The following GPR89B variants were observed in gnomAD, a reference collection of about 807,000 sequenced individuals.
GPR89B encodes G protein-coupled receptor 89B.
GPR89B carries 25 observed loss-of-function variants against 52.4 expected under a neutral mutation model. The observed-to-expected ratio is 0.48, with a 90% CI of 0.35 to 0.67. The LOEUF is 0.67. GPR89B is among the 30% of genes least tolerant of loss of function. GPR89B has a pLI of 0.01. For missense variants in GPR89B, 146 were observed against 450.2 expected, an observed-to-expected ratio of 0.32 and a Z score of 6.11; for synonymous variants, 52 against 151.2, an observed-to-expected ratio of 0.34 and a Z score of 4.81.
the GPR89B span, chr1:148,015,100 T>C: frequency 6.6e-6 from 1 of 151,696 alleles, no homozygotes; most frequent in East Asian, 1.9e-4. Context: ...TGCTTCCAAG[T>C]CTGGAGTTGG....
the GPR89B span, among the ~76,000 whole-genome samples, chr1:148,007,516 T>C: frequency 6.6e-6 from 1 of 151,280 alleles, no homozygotes; most frequent in South Asian, 2.1e-4. Flanking sequence ...CATTTCTTTG[T>C]GTTGAGAATA....
chr1:147,950,042 C>T (rs1655484583), intron 5 of GPR89B, among the ~76,000 whole-genome samples: 1 of 147,098 alleles, frequency 6.8e-6, no homozygotes, highest in South Asian at 2.1e-4. Context: ...CCACCTCCCT[C>T]CCGGACGGGG....
rs1400535869 is a variant in GPR89B at position 147,930,195 on chromosome 1, C to T, written c.42+1617C>T. Among the ~76,000 whole-genome samples the T allele has an allele frequency of 4.6e-5, 7 of 152,214 alleles. No homozygotes were observed. In the East Asian group the frequency reaches 1.2e-3, roughly 25 times the overall value. On this transcript the variant is annotated intron_variant, in intron 1 of 13. Transcript: ENST00000314163. ...CATATGCAGTAATTAATTGTTAAAC[C>T]TGGTTTTTACAAATGTGGAAGAAAG...
At chr1:147,947,170 A>C (rs2149048361) in intron 5 of GPR89B, among the ~76,000 whole-genome samples, 1 of 152,228 alleles carries the variant, frequency 6.6e-6, no homozygotes, top group Middle Eastern at 3.4e-3. Context: ...CCCCGTCTGT[A>C]CTAAAAATAG....
chr1:147,999,420 A>AAC, the GPR89B span, among the ~76,000 whole-genome samples: 5 of 147,924 alleles, frequency 3.4e-5, no homozygotes, highest in African/African-American at 5.0e-5. Flanking sequence ...CATCCTGGCC[A>AAC]ACATGGTAAA....
intron 12 of GPR89B, among the ~76,000 whole-genome samples, chr1:147,989,452 T>A (rs1249787564): frequency 1.3e-5 from 2 of 152,224 alleles, no homozygotes; most frequent in East Asian, 3.9e-4. Context: ...TAAATTATAC[T>A]TTAAGTTCTA....
At chr1:147,995,607 C>T, downstream of GPR89B, 2 of 1,608,916 alleles carry the variant, frequency 1.2e-6, no homozygotes, top group East Asian at 2.2e-5. Flanking sequence ...CGTTCTTTTG[C>T]CATGTGCGAG....
chr1:148,019,670 G>T, the GPR89B span, among the ~76,000 whole-genome samples: 2 of 152,052 alleles, frequency 1.3e-5, no homozygotes, highest in Non-Finnish European at 2.9e-5. Flanking sequence ...ACGCTCATTA[G>T]AAACAAAAGA....
intron 10 of GPR89B, among the ~76,000 whole-genome samples, chr1:147,980,017 C>G (rs1438316330): frequency 1.3e-5 from 2 of 151,260 alleles, no homozygotes; most frequent in Non-Finnish European, 2.9e-5. Flanking sequence ...GCCCAGAAGT[C>G]CAAGGCCTCA....
intron 12 of GPR89B, among the ~76,000 whole-genome samples, chr1:147,991,788 G>C (rs1427563745): frequency 3.9e-5 from 6 of 152,254 alleles, no homozygotes; most frequent in Non-Finnish European, 8.8e-5. Context: ...TGCATCCCAG[G>C]GATGAAGCCC....
At chr1:148,002,805 T>G in the GPR89B span, among the ~76,000 whole-genome samples, 1 of 152,176 alleles carries the variant, frequency 6.6e-6, no homozygotes, top group African/African-American at 2.4e-5. Context: ...TGTGCCAGTG[T>G]CTCCTGACTG....
the GPR89B span, among the ~76,000 whole-genome samples, chr1:148,003,058 A>T: frequency 7.4e-4 from 113 of 152,322 alleles, 2 homozygotes; most frequent in East Asian, 0.018. Flanking sequence ...CTTATCTACT[A>T]AATGGTAGAC....
At chr1:148,006,055 C>T in the GPR89B span, among the ~76,000 whole-genome samples, 9 of 152,130 alleles carry the variant, frequency 5.9e-5, no homozygotes, top group Admixed American at 1.3e-4. Flanking sequence ...AGAGCTAACT[C>T]GGCCTTTGGC....
At chr1:147,983,361 A>G (rs1273619395) in intron 10 of GPR89B, among the ~76,000 whole-genome samples, 1 of 152,122 alleles carries the variant, frequency 6.6e-6, no homozygotes, top group African/African-American at 2.4e-5. Flanking sequence ...CTGCACAGCA[A>G]AAGAAACTAC....
At chr1:147,943,701 A>T (rs1654740410) in intron 4 of GPR89B, among the ~76,000 whole-genome samples, 157 bp downstream of exon 4, 2 of 150,488 alleles carry the variant, frequency 1.3e-5, no homozygotes, top group Non-Finnish European at 3.0e-5. Context: ...TAAAATAAAT[A>T]TTGAATGAAT....
intron 5 of GPR89B, among the ~76,000 whole-genome samples, chr1:147,949,016 C>T (rs1178100732): frequency 6.6e-6 from 1 of 152,120 alleles, no homozygotes; most frequent in East Asian, 1.9e-4. Flanking sequence ...TCTTGCACCA[C>T]CATTAATCCA....
At chr1:148,009,694 A>C in the GPR89B span, 1 of 675,482 alleles carries the variant, frequency 1.5e-6, no homozygotes, top group East Asian at 2.7e-5. Context: ...AGATGCTGCT[A>C]GTTGACCCTT....
At chr1:147,998,596 T>C in the GPR89B span, among the ~76,000 whole-genome samples, 1 of 152,046 alleles carries the variant, frequency 6.6e-6, no homozygotes, top group African/African-American at 2.4e-5. Context: ...ACTTGAGATT[T>C]TGGCCGGGCT....
At chr1:147,952,969 A>G (rs1655836763) in intron 5 of GPR89B, among the ~76,000 whole-genome samples, 1 of 151,076 alleles carries the variant, frequency 6.6e-6, no homozygotes, top group Non-Finnish European at 1.5e-5. Context: ...CCTGCTATTT[A>G]TACTTTTCCA....
Sources: allele counts gnomAD v4.1 joint callset (sites outside exome capture counted in the v4.1 genomes callset), GRCh38; gene constraint gnomAD v4.1.1; transcripts MANE v1.5; gene names NCBI Gene and HGNC (gene_info 2026-07-23, HGNC 2026-07-21).